DNM1L: variants seen among roughly 807,000 people sequenced by gnomAD.
DNM1L encodes the protein dynamin 1L.
Under a neutral mutation model 92.8 loss-of-function variants are expected in DNM1L, and 33 were observed. That is an observed-to-expected ratio of 0.36 (90% CI 0.27 to 0.48). DNM1L has a LOEUF of 0.48. DNM1L is among the 20% of genes least tolerant of loss of function. DNM1L has a pLI of 0.99. For synonymous variants in DNM1L, 284 were observed against 305.0 expected (o/e 0.93, Z 0.72); for missense variants, 485 against 888.8 (o/e 0.55, Z 5.78).
At chr12:32,718,835 C>T in intron 7 of DNM1L, 72 bp downstream of exon 7, 8 of 1,581,922 alleles carry the variant, frequency 5.1e-6, no homozygotes, top group Non-Finnish European at 6.9e-6. Context: ...CACTTCAGAG[C>T]AAGTCTGAAT....
At chr12:32,730,667 A>C (rs978690061) in intron 9 of DNM1L, among the ~76,000 whole-genome samples, 1 of 152,238 alleles carries the variant, frequency 6.6e-6, no homozygotes, top group African/African-American at 2.4e-5. Flanking sequence ...TCTACTTCAG[A>C]TTGTGAATCA....
At chr12:32,722,696 G>A (rs1953861160) in intron 9 of DNM1L, 63 bp downstream of exon 9, 5 of 1,248,626 alleles carry the variant, frequency 4.0e-6, no homozygotes, top group African/African-American at 3.0e-5. Flanking sequence ...TTCCTTTTGT[G>A]AAGATGACTT....
chr12:32,731,552 A>G lies in DNM1L; in HGVS notation c.1356+41A>G, dbSNP rs189103836. 7 of 1,610,958 alleles carry G rather than the reference A, an allele frequency of 4.3e-6. No homozygotes were observed. In the Admixed American group the frequency reaches 1.0e-4, roughly 23 times the overall value. On this transcript the variant is annotated intron_variant, in intron 11 of 19. Coordinates refer to ENST00000549701, the MANE Select transcript of DNM1L (RefSeq NM_012062.5). This position sits in a 1 kb window ranked among gnomAD's most constrained non-coding sequence, Gnocchi z 5.1. ...GTAACAGGTTTCACATGAACTAGAA[A>G]AGGACATGAAGTGGTGGTTTCACTG...
chr12:32,743,141 C>T (rs1040604821), intron 19 of DNM1L, among the ~76,000 whole-genome samples: 18 of 151,944 alleles, frequency 1.2e-4, no homozygotes, highest in East Asian at 9.7e-4. Context: ...ATGATCCGCC[C>T]GCCTCGACCT....
intron 9 of DNM1L, chr12:32,727,118 T>C (rs1242251595): frequency 4.0e-6 from 3 of 742,460 alleles, no homozygotes; most frequent in Non-Finnish European, 7.4e-6. Context: ...TGGCCTTTTC[T>C]TTCAACTCCT....
In DNM1L at chr12:32,718,526, G is replaced by A. The variant is rs1374287628; in HGVS notation, c.620-117G>A. 10 of 1,251,562 alleles carry A rather than the reference G, an allele frequency of 8.0e-6. No homozygotes were observed. The Admixed American group carries it at 1.8e-4, about 22-fold the overall frequency. The allele number at this position is 1,251,562 out of a possible 1,614,324, so 77.5% of individuals were successfully genotyped here. On this transcript the variant is annotated intron_variant, in intron 6 of 19. Coordinates refer to ENST00000549701, the MANE Select transcript of DNM1L (RefSeq NM_012062.5). The stretch of plus-strand genomic sequence containing the variant: ...GTAAGGCATTACCAAAATGATGACA[G>A]AGGTAATACTAAGTGGGATTGTAGA...
intron 3 of DNM1L, 84 bp downstream of exon 3, chr12:32,707,497 G>T: frequency 1.0e-6 from 1 of 960,840 alleles, no homozygotes. Context: ...TCTAATCATT[G>T]GCAATTACGT....
intron 1 of DNM1L, among the ~76,000 whole-genome samples, chr12:32,691,614 G>C (rs1952239176): frequency 6.6e-6 from 1 of 152,164 alleles, no homozygotes; most frequent in Non-Finnish European, 1.5e-5. Flanking sequence ...AGGTACTGGG[G>C]GTTAGGGCTT....
intron 18 of DNM1L, among the ~76,000 whole-genome samples, chr12:32,741,150 G>T (rs915689892): frequency 6.6e-6 from 1 of 152,138 alleles, no homozygotes; most frequent in Non-Finnish European, 1.5e-5. Context: ...AATGATTTTT[G>T]TCTGTAGAAC....
chr12:32,743,764 G>A lies in DNM1L; in HGVS notation c.*354G>A. ...AATAATCTTTGTTAGTAGTCTTAAA[G>A]CTGCTGCCATAGTCCTCCAAGAAGA... On this transcript the variant is annotated 3_prime_UTR_variant, in exon 20 of 20. Transcript: ENST00000549701. 1 of 274,450 alleles carries A rather than the reference G, an allele frequency of 3.6e-6. No individual in the cohort carries two copies. The highest frequency in any genetic ancestry group is 5.2e-5 in the South Asian group (1 of 19,358). 17.0% of individuals were successfully genotyped at this position (274,450 alleles called of 1,614,324 possible). A position where few individuals can be genotyped will look rare whatever the true frequency, so the allele number is the denominator to read the frequency against.
intron 16 of DNM1L, among the ~76,000 whole-genome samples, chr12:32,738,627 A>G (rs1355353846): frequency 6.6e-6 from 1 of 152,168 alleles, no homozygotes; most frequent in East Asian, 1.9e-4. Flanking sequence ...AGATCTGTTC[A>G]GTACTAATAG....
chr12:32,705,703 T>A, intron 2 of DNM1L: 1 of 882,306 alleles, frequency 1.1e-6, no homozygotes. Flanking sequence ...AAATTTTGAA[T>A]AATTGAATGC....
At position 32,744,309 on chromosome 12, in the gene DNM1L, A is replaced by C. The variant is rs1955509364; in HGVS notation, c.*899A>C. ...TAAGATTCACTTTGAGGTGGAACTTAAAACCAGTGTACTGTATGTATGCAT... is the reference window on the plus strand; with the variant it reads ...TAAGATTCACTTTGAGGTGGAACTTCAAACCAGTGTACTGTATGTATGCAT... On this transcript the variant is annotated 3_prime_UTR_variant, in exon 20 of 20. Coordinates refer to ENST00000549701, the MANE Select transcript of DNM1L (RefSeq NM_012062.5). 1 of 152,464 alleles carries C rather than the reference A, an allele frequency of 6.6e-6. No homozygotes were observed. The highest frequency in any genetic ancestry group is 1.5e-5 in the Non-Finnish European group (1 of 68,222). The allele number at this position is 152,464 out of a possible 1,614,324, so 9.4% of individuals were successfully genotyped here.
chr12:32,737,368 A>G (rs1954961172), intron 14 of DNM1L: 3 of 544,650 alleles, frequency 5.5e-6, no homozygotes, highest in East Asian at 6.1e-5. Flanking sequence ...ATAAATGCTT[A>G]AAAGTAGATT....
intron 1 of DNM1L, among the ~76,000 whole-genome samples, chr12:32,680,589 G>A (rs947249524): frequency 6.6e-6 from 1 of 152,068 alleles, no homozygotes; most frequent in African/African-American, 2.4e-5. Context: ...ACATTTCCTT[G>A]GTCTGCGATA....
intron 9 of DNM1L, chr12:32,728,763 G>A (rs1172078510): frequency 6.6e-6 from 1 of 152,134 alleles, no homozygotes; most frequent in Non-Finnish European, 1.5e-5. Flanking sequence ...AGGAGATAAG[G>A]CAGGAAGGGT....
chr12:32,741,335 G>C (rs10844334), intron 18 of DNM1L, among the ~76,000 whole-genome samples: 23,408 of 152,176 alleles, frequency 0.15, 1,913 homozygotes, highest in Middle Eastern at 0.21. Flanking sequence ...GCCCAGGCTG[G>C]GGTGCAGTGG....
chr12:32,733,671 G>A (rs759410496), intron 12 of DNM1L, 44 bp from the exon 13 acceptor site: 4 of 1,493,324 alleles, frequency 2.7e-6, no homozygotes, highest in Non-Finnish European at 3.7e-6. Context: ...AGTAAAATAT[G>A]GTTGATGTAT....
chr12:32,733,597 G>T, intron 12 of DNM1L, 118 bp from the exon 13 acceptor site: 2 of 775,398 alleles, frequency 2.6e-6, no homozygotes, highest in Non-Finnish European at 4.5e-6. Flanking sequence ...AGTAATTTAG[G>T]CATAAGTTTC....
Sources: gnomAD v4.1 joint callset for allele counts (sites outside exome capture counted in the v4.1 genomes callset) on GRCh38, gnomAD v4.1.1 for gene constraint, Gnocchi (gnomAD v3.1) non-coding constraint, MANE v1.5 for transcripts, NCBI Gene and HGNC (gene_info 2026-07-23, HGNC 2026-07-21) for gene names.